UBAP2: variants seen among roughly 807,000 people sequenced by gnomAD.
UBAP2 encodes ubiquitin associated protein 2.
UBAP2 carries 75 observed loss-of-function variants against 139.6 expected under a neutral mutation model. That is an observed-to-expected ratio of 0.54 (90% CI 0.45 to 0.65). UBAP2 has a LOEUF of 0.65. Ranked by LOEUF, UBAP2 falls within the 30% of genes least tolerant of loss-of-function variation. The pLI is 0.00. For synonymous variants in UBAP2, 526 were observed against 526.2 expected (o/e 1.00, Z 0.01); for missense variants, 1,368 against 1,369.6 (o/e 1.00, Z 0.02).
intron 6 of UBAP2, among the ~76,000 whole-genome samples, chr9:33,979,114 A>T (rs142399229): frequency 6.6e-6 from 1 of 152,134 alleles, no homozygotes; most frequent in Non-Finnish European, 1.5e-5. Context: ...GTGCACCTGC[A>T]GTCCTATCTA....
chr9:33,980,308 C>G (rs996726532), intron 6 of UBAP2, among the ~76,000 whole-genome samples: 1 of 122,552 alleles, frequency 8.2e-6, no homozygotes, highest in African/African-American at 3.0e-5. Flanking sequence ...TCTCGGGTCA[C>G]TACGAGCTCC....
intron 22 of UBAP2, among the ~76,000 whole-genome samples, chr9:33,926,156 G>A (rs1383210278): frequency 6.6e-6 from 1 of 152,170 alleles, no homozygotes; most frequent in East Asian, 1.9e-4. Flanking sequence ...ATCAGCTCAA[G>A]CCACTCACTC....
At chr9:34,002,842 C>T (rs924852151) in intron 2 of UBAP2, among the ~76,000 whole-genome samples, 4 of 151,852 alleles carry the variant, frequency 2.6e-5, no homozygotes, top group Non-Finnish European at 4.4e-5. Flanking sequence ...GCGCACAACA[C>T]GACACCTGGT....
chr9:33,955,514 C>T (rs1430335856), intron 11 of UBAP2, among the ~76,000 whole-genome samples: 4 of 140,792 alleles, frequency 2.8e-5, no homozygotes, highest in Admixed American at 7.2e-5. Context: ...AGTGAGACTC[C>T]GTCTCAAAAA....
At chr9:34,027,653 C>T (rs1309893447) in intron 1 of UBAP2, among the ~76,000 whole-genome samples, 1 of 151,588 alleles carries the variant, frequency 6.6e-6, no homozygotes, top group African/African-American at 2.4e-5. Flanking sequence ...GTCAAGAGAT[C>T]GAGACCATCC....
At chr9:33,962,082 T>C (rs1439394984) in intron 9 of UBAP2, among the ~76,000 whole-genome samples, 1 of 152,030 alleles carries the variant, frequency 6.6e-6, no homozygotes, top group African/African-American at 2.4e-5. Flanking sequence ...AAAGCCAGAA[T>C]TGTAAGAGAA....
At chr9:34,025,445 A>C (rs1366635959) in intron 1 of UBAP2, among the ~76,000 whole-genome samples, 2 of 152,222 alleles carry the variant, frequency 1.3e-5, no homozygotes, top group Non-Finnish European at 2.9e-5. Context: ...GCTTACTTCA[A>C]TCTATCCAAC....
chr9:34,022,976 C>T (rs1825091149), intron 1 of UBAP2, among the ~76,000 whole-genome samples: 2 of 151,976 alleles, frequency 1.3e-5, no homozygotes, highest in Non-Finnish European at 2.9e-5. Flanking sequence ...CCTGTAATCC[C>T]AGCACTTTGG....
intron 13 of UBAP2, among the ~76,000 whole-genome samples, chr9:33,947,100 A>G (rs1489660904): frequency 6.6e-6 from 1 of 151,872 alleles, no homozygotes; most frequent in African/African-American, 2.4e-5. Flanking sequence ...ATAGCAAAAA[A>G]TGTAGGCACA....
chr9:33,972,339 GA>G (rs1203218427), intron 7 of UBAP2, among the ~76,000 whole-genome samples: 1 of 152,162 alleles, frequency 6.6e-6, no homozygotes, highest in Non-Finnish European at 1.5e-5. Context: ...GAAGTAAACA[GA>G]AAAATCCACA....
Position 33,988,955 on chromosome 9 carries a change from GA to G in UBAP2, c.442+17del, listed in dbSNP as rs745905304. ...AGATGAAAGAAGAGAAAAAACTGAG[GA>G]GAAAGTCTGTACTTACATTCTCTGC... On this transcript the variant is annotated intron_variant, in intron 5 of 28. Transcript: ENST00000379238. 5 of 1,594,468 alleles carry G rather than the reference GA, an allele frequency of 3.1e-6. No individual in the cohort carries two copies. The highest frequency in any genetic ancestry group is 4.3e-6 in the Non-Finnish European group (5 of 1,173,128).
intron 2 of UBAP2, among the ~76,000 whole-genome samples, chr9:34,008,192 C>T (rs1053720992): frequency 4.6e-5 from 7 of 151,878 alleles, no homozygotes; most frequent in Non-Finnish European, 1.0e-4. Flanking sequence ...GTGGCGCATG[C>T]CTGTAATCCC....
At chr9:33,984,455 G>A (rs1348877500) in intron 6 of UBAP2, among the ~76,000 whole-genome samples, 1 of 151,896 alleles carries the variant, frequency 6.6e-6, no homozygotes, top group Non-Finnish European at 1.5e-5. Flanking sequence ...TTGAGGCCAG[G>A]AGTTCCAGAC....
rs1827252645 is a variant in UBAP2, at chr9:33,963,809, A to C, written c.680-18T>G. The C allele has an allele frequency of 6.3e-7, 1 of 1,590,558 alleles. No homozygotes were observed. The highest frequency in any genetic ancestry group is 8.6e-7 in the Non-Finnish European group (1 of 1,159,052). On this transcript the variant is annotated intron_variant, in intron 8 of 28. Coordinates refer to ENST00000379238, the MANE Select transcript of UBAP2 (RefSeq NM_001370062.2). ...TGCCAGTTCTGTGGACCAATGTAAA[A>C]TTGAGGGTTTAAACATATGAAAAGA...
At chr9:33,982,755 T>A (rs1049431314) in intron 6 of UBAP2, among the ~76,000 whole-genome samples, 2 of 152,206 alleles carry the variant, frequency 1.3e-5, no homozygotes, top group Non-Finnish European at 2.9e-5. Flanking sequence ...TTGGGGTTTA[T>A]TAGTCTAAAT....
chr9:33,992,215 C>T (rs1227887115), intron 4 of UBAP2, among the ~76,000 whole-genome samples: 1 of 151,908 alleles, frequency 6.6e-6, no homozygotes, highest in Non-Finnish European at 1.5e-5. Flanking sequence ...ATGGAGAAAC[C>T]CCATCTCTAC....
At chr9:33,935,064 C>T (rs564867130) in intron 17 of UBAP2, among the ~76,000 whole-genome samples, 1 of 150,772 alleles carries the variant, frequency 6.6e-6, no homozygotes, top group Non-Finnish European at 1.5e-5. Context: ...AGAAAGAAAA[C>T]TACTATAAAC....
At chr9:34,018,039 T>A (rs954546238) in intron 1 of UBAP2, among the ~76,000 whole-genome samples, 44 of 152,262 alleles carry the variant, frequency 2.9e-4, no homozygotes, top group Middle Eastern at 3.4e-3. Context: ...AACATGATTC[T>A]AAGCTGGGCA....
chr9:33,995,483 TTATATTATTAAATA>T (rs1179010219), intron 4 of UBAP2: 1 of 135,178 alleles, frequency 7.4e-6, no homozygotes, highest in African/African-American at 2.9e-5. Context: ...ATAAATATAT[TTATATTATTAAATA>T]TATATATTTA....
Sources: allele counts gnomAD v4.1 joint callset (sites outside exome capture counted in the v4.1 genomes callset), GRCh38; gene constraint gnomAD v4.1.1; transcripts MANE v1.5; gene names NCBI Gene and HGNC (gene_info 2026-07-23, HGNC 2026-07-21).